KCNK1: variants seen among roughly 807,000 people sequenced by gnomAD.
The protein encoded by KCNK1 is potassium two pore domain channel subfamily K member 1.
Under a neutral mutation model 22.2 loss-of-function variants are expected in KCNK1, and 10 were observed. The ratio of observed to expected loss-of-function variants is 0.45; its 90% CI spans 0.28 to 0.76. The LOEUF (loss-of-function observed/expected upper bound fraction) is 0.76, where lower values mean the gene tolerates loss of function less well. Among genes scored for constraint, KCNK1 ranks in the 30% least tolerant of loss-of-function variants. The pLI, the probability that KCNK1 is intolerant of heterozygous loss-of-function variation, is 0.14. For synonymous variants in KCNK1, 200 were observed against 186.4 expected, an observed-to-expected ratio of 1.07 and a Z score of -0.60; for missense variants, 378 against 421.0, an observed-to-expected ratio of 0.90 and a Z score of 0.89.
intron 1 of KCNK1, among the ~76,000 whole-genome samples, chr1:233,639,610 T>C (rs1489890954): frequency 3.3e-5 from 5 of 152,240 alleles, no homozygotes; most frequent in African/African-American, 1.2e-4. Context: ...TCTATATTTG[T>C]GTCAAATACT....
chr1:233,668,158 G>A (rs1472129334), intron 2 of KCNK1, among the ~76,000 whole-genome samples: 1 of 152,134 alleles, frequency 6.6e-6, no homozygotes, highest in Non-Finnish European at 1.5e-5. Context: ...CAGTTATAAT[G>A]TACCTACTGT....
chr1:233,627,646 G>A (rs757924951), intron 1 of KCNK1, among the ~76,000 whole-genome samples: 3 of 152,146 alleles, frequency 2.0e-5, no homozygotes, highest in Non-Finnish European at 4.4e-5. Flanking sequence ...GAGCTGAGCC[G>A]TTTCGCACCC....
At chr1:233,618,046 G>C (rs1657516950) in intron 1 of KCNK1, among the ~76,000 whole-genome samples, 1 of 152,212 alleles carries the variant, frequency 6.6e-6, no homozygotes, top group African/African-American at 2.4e-5. Flanking sequence ...TTCAAAGATA[G>C]AGCATTCCTT....
chr1:233,667,600 G>A (rs924728500), intron 2 of KCNK1, among the ~76,000 whole-genome samples: 15 of 151,322 alleles, frequency 9.9e-5, no homozygotes, highest in Non-Finnish European at 2.1e-4. Context: ...CGTGGTAGCG[G>A]GCGCCTGTAG....
intron 1 of KCNK1, among the ~76,000 whole-genome samples, chr1:233,623,414 C>T (rs946857781): frequency 1.3e-5 from 2 of 152,066 alleles, no homozygotes; most frequent in Non-Finnish European, 2.9e-5. Context: ...AGTTTCAAGT[C>T]ACTAAAAGAA....
chr1:233,657,933 A>T (rs1259418894), intron 1 of KCNK1, among the ~76,000 whole-genome samples: 2 of 152,236 alleles, frequency 1.3e-5, no homozygotes, highest in East Asian at 3.8e-4. Flanking sequence ...GAAAAGGAGT[A>T]TAAAGAATTT....
chr1:233,639,112 G>A (rs932877866), intron 1 of KCNK1, among the ~76,000 whole-genome samples: 1 of 152,092 alleles, frequency 6.6e-6, no homozygotes, highest in African/African-American at 2.4e-5. Flanking sequence ...GAATATATAG[G>A]GCTTGAGTTT....
chr1:233,632,752 G>C (rs75978582), intron 1 of KCNK1, among the ~76,000 whole-genome samples: 37 of 152,170 alleles, frequency 2.4e-4, no homozygotes, highest in Non-Finnish European at 5.1e-4. Flanking sequence ...CGTGGGTTTG[G>C]GCCTCTTTTC....
intron 1 of KCNK1, among the ~76,000 whole-genome samples, chr1:233,632,083 C>G (rs942682840): frequency 6.6e-6 from 1 of 152,206 alleles, no homozygotes; most frequent in African/African-American, 2.4e-5. Context: ...CTTACTGGAA[C>G]AGGAAAACAT....
At chr1:233,632,894 C>G (rs1162339527) in intron 1 of KCNK1, among the ~76,000 whole-genome samples, 1 of 152,136 alleles carries the variant, frequency 6.6e-6, no homozygotes, top group East Asian at 1.9e-4. Flanking sequence ...ATCTCTTAGG[C>G]AGTCTTTTCA....
At chr1:233,644,352 A>G (rs1255073705) in intron 1 of KCNK1, among the ~76,000 whole-genome samples, 1 of 152,248 alleles carries the variant, frequency 6.6e-6, no homozygotes, top group African/African-American at 2.4e-5. Context: ...CTACTAATTC[A>G]TATATTCAAC....
chr1:233,655,911 A>G, intron 1 of KCNK1: 1 of 152,156 alleles, frequency 6.6e-6, no homozygotes, highest in East Asian at 1.9e-4. Flanking sequence ...TGGGAAAAAA[A>G]AAAAACGGCT....
intron 1 of KCNK1, chr1:233,655,916 A>C (rs894028437): frequency 6.6e-6 from 1 of 151,122 alleles, no homozygotes; most frequent in African/African-American, 2.4e-5. Context: ...AAAAAAAAAA[A>C]CGGCTCCAAT....
intron 1 of KCNK1, among the ~76,000 whole-genome samples, chr1:233,649,533 T>G (rs1420323742): frequency 6.6e-6 from 1 of 152,216 alleles, no homozygotes; most frequent in East Asian, 1.9e-4. Flanking sequence ...ACTGAGTAAT[T>G]TATAAAGAAT....
intron 1 of KCNK1, among the ~76,000 whole-genome samples, chr1:233,622,987 G>A (rs566250507): frequency 6.0e-4 from 92 of 152,222 alleles, no homozygotes; most frequent in African/African-American, 2.1e-3. Context: ...ACCCATGGAA[G>A]GGCTTTAGGC....
chr1:233,633,997 A>G (rs1301949415), intron 1 of KCNK1, among the ~76,000 whole-genome samples: 1 of 152,162 alleles, frequency 6.6e-6, no homozygotes, highest in East Asian at 1.9e-4. Flanking sequence ...TGAGAAATAG[A>G]CACACACAAT....
intron 1 of KCNK1, among the ~76,000 whole-genome samples, chr1:233,618,767 C>T (rs922199712): frequency 3.3e-5 from 5 of 151,920 alleles, no homozygotes; most frequent in African/African-American, 1.2e-4. Context: ...ACCTGTAGTT[C>T]CAGCTACTCA....
intron 1 of KCNK1, among the ~76,000 whole-genome samples, chr1:233,663,598 A>T (rs968480818): frequency 8.5e-5 from 13 of 152,188 alleles, no homozygotes; most frequent in Non-Finnish European, 1.9e-4. Flanking sequence ...ATTTATAAAA[A>T]TTTATAAAAA....
In KCNK1 at chr1:233,671,262, C is replaced by T; in HGVS notation, c.752-9C>T. 1 of 1,613,658 alleles carries T rather than the reference C, an allele frequency of 6.2e-7. No individual in the cohort carries two copies. The highest frequency in any genetic ancestry group is 8.5e-7 in the Non-Finnish European group (1 of 1,179,582). ...ATCACACTAAGACAGTGTCCTGTTT[C>T]TCACACAGGTTACCTGCTACTTGGC... On this transcript the variant is annotated splice_polypyrimidine_tract_variant and intron_variant, in intron 2 of 2. Coordinates refer to ENST00000366621, the MANE Select transcript of KCNK1 (RefSeq NM_002245.4).
Sources: allele counts gnomAD v4.1 joint callset (sites outside exome capture counted in the v4.1 genomes callset), GRCh38; gene constraint gnomAD v4.1.1; transcripts MANE v1.5; gene names NCBI Gene and HGNC (gene_info 2026-07-23, HGNC 2026-07-21).